The following TMEM245 variants were observed in gnomAD, a reference collection of about 807,000 sequenced individuals.
TMEM245 encodes the protein transmembrane protein 245.
A neutral mutation model predicts 101.2 loss-of-function variants in TMEM245; 69 were observed. The observed-to-expected ratio is 0.68, with a 90% CI of 0.56 to 0.83. TMEM245 has a LOEUF of 0.83. Ranked by LOEUF, TMEM245 falls within the 40% of genes least tolerant of loss-of-function variation. The pLI is 0.00. For synonymous variants in TMEM245, 537 were observed against 449.8 expected (o/e 1.19, Z -2.45); for missense variants, 1,075 against 1,092.8 (o/e 0.98, Z 0.23).
intron 1 of TMEM245, among the ~76,000 whole-genome samples, chr9:109,117,403 C>A (rs537502668): frequency 3.9e-4 from 59 of 152,270 alleles, no homozygotes; most frequent in Middle Eastern, 3.4e-3. Context: ...CAGGCGTGAG[C>A]CACCGCGCCC....
chr9:109,042,102 G>A (rs915216076), intron 14 of TMEM245, among the ~76,000 whole-genome samples: 21 of 152,028 alleles, frequency 1.4e-4, no homozygotes, highest in South Asian at 2.1e-4. Flanking sequence ...GAGATAAATG[G>A]TAATTATATG....
chr9:109,065,655 C>A (rs911798168), intron 9 of TMEM245, among the ~76,000 whole-genome samples: 1 of 152,156 alleles, frequency 6.6e-6, no homozygotes, highest in African/African-American at 2.4e-5. Flanking sequence ...GAATCCTTTA[C>A]ACAATCCTAA....
Position 109,073,346 on chromosome 9 carries a change from A to T in TMEM245, c.1532+10T>A. On this transcript the variant is annotated intron_variant, in intron 9 of 17. Coordinates refer to ENST00000374586, the MANE Select transcript of TMEM245 (RefSeq NM_032012.4). ...TTCATCTCTCTTCTTTTTCAAAACA[A>T]TATTCTTACTTTGCCCACTCAGGGT... The T allele has an allele frequency of 1.2e-6, 2 of 1,605,046 alleles. No homozygotes were observed. The highest frequency in any genetic ancestry group is 1.7e-6 in the Non-Finnish European group (2 of 1,172,498).
chr9:109,047,543 T>C (rs1239814591), intron 14 of TMEM245, among the ~76,000 whole-genome samples: 1 of 152,210 alleles, frequency 6.6e-6, no homozygotes, highest in Non-Finnish European at 1.5e-5. Flanking sequence ...ACAGCTTTAC[T>C]TACCACTGAC....
intron 11 of TMEM245, among the ~76,000 whole-genome samples, chr9:109,058,653 G>T (rs62575222): frequency 0.06 from 9,200 of 152,112 alleles, 367 homozygotes; most frequent in South Asian, 0.13. Context: ...CTGTCACCAG[G>T]CTGCACTGGA....
chr9:109,052,978 G>A (rs1828731185), intron 12 of TMEM245, among the ~76,000 whole-genome samples: 1 of 152,152 alleles, frequency 6.6e-6, no homozygotes, highest in Admixed American at 6.5e-5. Context: ...GGAGAAAATA[G>A]AGGAAGAAAC....
chr9:109,029,933 T>C (rs1434408253), intron 17 of TMEM245, among the ~76,000 whole-genome samples: 1 of 152,188 alleles, frequency 6.6e-6, no homozygotes, highest in Non-Finnish European at 1.5e-5. Context: ...TCTTTATTAA[T>C]TCAAGAGAAA....
intron 16 of TMEM245, 162 bp downstream of exon 16, chr9:109,036,032 ACAATACTATTTT>A: frequency 2.4e-6 from 1 of 416,722 alleles, no homozygotes; most frequent in Non-Finnish European, 4.1e-6. Flanking sequence ...TGCCTTGTAA[ACAATACTATTTT>A]CAATGAAAAT....
intron 12 of TMEM245, among the ~76,000 whole-genome samples, chr9:109,051,371 G>A (rs1053168179): frequency 1.3e-5 from 2 of 150,520 alleles, no homozygotes. Context: ...ATCGCAAGCA[G>A]AGAAAAAATA....
intron 17 of TMEM245, among the ~76,000 whole-genome samples, chr9:109,026,636 T>TG (rs1371163158): frequency 6.7e-6 from 1 of 149,426 alleles, no homozygotes; most frequent in African/African-American, 2.5e-5. Flanking sequence ...GGAAAGCGGG[T>TG]GGGACTGCTA....
chr9:109,025,593 C>G (rs1827768897), intron 17 of TMEM245, among the ~76,000 whole-genome samples: 1 of 152,270 alleles, frequency 6.6e-6, no homozygotes, highest in East Asian at 1.9e-4. Flanking sequence ...GAAAGAGTTC[C>G]TGGGACATAT....
At chr9:109,107,907 T>C (rs1830470105) in intron 2 of TMEM245, among the ~76,000 whole-genome samples, 1 of 152,182 alleles carries the variant, frequency 6.6e-6, no homozygotes, top group South Asian at 2.1e-4. Flanking sequence ...GAGATTTGTC[T>C]CTCTGAAGCT....
At chr9:109,078,375 T>C (rs1829576938) in intron 8 of TMEM245, among the ~76,000 whole-genome samples, 1 of 152,228 alleles carries the variant, frequency 6.6e-6, no homozygotes, top group Admixed American at 6.5e-5. Context: ...ATCCAGATTA[T>C]TTCTGGAGTC....
chr9:109,028,776 G>A (rs144418329), intron 17 of TMEM245, among the ~76,000 whole-genome samples: 1 of 152,252 alleles, frequency 6.6e-6, no homozygotes, highest in African/African-American at 2.4e-5. Context: ...AGCTGCCTAT[G>A]AAGAGAGGCA....
intron 1 of TMEM245, among the ~76,000 whole-genome samples, chr9:109,117,976 T>C (rs1051823291): frequency 1.3e-5 from 2 of 152,238 alleles, no homozygotes; most frequent in Non-Finnish European, 2.9e-5. Context: ...TCCATAAAAG[T>C]GAACCACAGA....
At chr9:109,036,182 T>C (rs757237502) in intron 16 of TMEM245, 24 bp downstream of exon 16, 7 of 1,531,774 alleles carry the variant, frequency 4.6e-6, no homozygotes, top group East Asian at 4.7e-5. Context: ...GATTCACTAA[T>C]AAGAAATTCT....
chr9:109,077,065 A>C (rs1829530542), intron 8 of TMEM245, among the ~76,000 whole-genome samples: 2 of 151,236 alleles, frequency 1.3e-5, no homozygotes, highest in Admixed American at 6.6e-5. Flanking sequence ...AAAGAATATA[A>C]TTTTTGTTAT....
intron 3 of TMEM245, among the ~76,000 whole-genome samples, chr9:109,098,781 CAG>C (rs1473063012): frequency 4.6e-5 from 7 of 152,114 alleles, no homozygotes; most frequent in Non-Finnish European, 1.0e-4. Flanking sequence ...TACCCAGAGA[CAG>C]GGCCAGCATT....
Position 109,085,547 on chromosome 9 carries a change from T to C in TMEM245, c.1344+450A>G, listed in dbSNP as rs534884732. 3.3e-5 allele frequency among the ~76,000 whole-genome samples: 5 copies of C among 152,378 alleles called. No homozygotes were observed. The South Asian group carries it at 1.0e-3, about 32-fold the overall frequency. ...TAAAAAAAGACAATATATAAAATTA[T>C]CTGCCAAGGAAACCATACAAATATT... On this transcript the variant is annotated intron_variant, in intron 7 of 17. Transcript: ENST00000374586.
Sources: gnomAD v4.1 joint callset for allele counts (sites outside exome capture counted in the v4.1 genomes callset) on GRCh38, gnomAD v4.1.1 for gene constraint, MANE v1.5 for transcripts, NCBI Gene and HGNC (gene_info 2026-07-23, HGNC 2026-07-21) for gene names.